Variants in CTNNA1 observed in about 807,000 individuals in gnomAD.
The protein encoded by CTNNA1 is catenin alpha-1.
A neutral mutation model predicts 98.4 loss-of-function variants in CTNNA1; 37 were observed. That is an observed-to-expected ratio of 0.38 (90% CI 0.29 to 0.49). The LOEUF (loss-of-function observed/expected upper bound fraction) is 0.49. Among genes scored for constraint, CTNNA1 ranks in the 20% least tolerant of loss-of-function variants. The probability of loss-of-function intolerance (pLI) is 0.95; values close to 1 mark genes in which losing one functional copy is unlikely to be tolerated. For synonymous variants in CTNNA1, 404 were observed against 413.2 expected (o/e 0.98, Z 0.27); for missense variants, 761 against 1,147.2 (o/e 0.66, Z 4.86).
At chr5:138,839,462 A>G (rs186235751) in intron 7 of CTNNA1, among the ~76,000 whole-genome samples, 143 of 152,086 alleles carry the variant, frequency 9.4e-4, no homozygotes, top group African/African-American at 3.4e-3. Flanking sequence ...TGGCCTCCCA[A>G]AGTGCTGGGA....
intron 1 of CTNNA1, among the ~76,000 whole-genome samples, chr5:138,772,378 T>C (rs1217448440): frequency 6.6e-6 from 1 of 152,202 alleles, no homozygotes; most frequent in Non-Finnish European, 1.5e-5. Context: ...CTAGCTCTAG[T>C]AGGTTTTGTG....
In CTNNA1 at chr5:138,874,836, T is replaced by A. The variant is rs191501116; in HGVS notation, c.1063-11376T>A. ...TGATGGTGATTTCCCTCATAAAATGTGAATTCGGTAGCTTATTTTAAAAGC... is the reference window on the plus strand; with the variant it reads ...TGATGGTGATTTCCCTCATAAAATGAGAATTCGGTAGCTTATTTTAAAAGC... On this transcript the variant is annotated intron_variant, in intron 7 of 17. Transcript: ENST00000302763. The surrounding 1 kb of genome is among the most constrained non-coding windows in gnomAD (Gnocchi z 4.1). The A allele has an allele frequency of 1.0e-4, 143 of 1,426,238 alleles. No individual in the cohort carries two copies. The highest frequency in any genetic ancestry group is 1.3e-4 in the Non-Finnish European group (135 of 1,021,244). The allele number at this position is 1,426,238 out of a possible 1,614,324, so 88.3% of individuals were successfully genotyped here.
rs2150295521 is a variant in CTNNA1, at chr5:138,925,362, A to G, written c.1854A>G (p.Val618=). The change falls in exon 13 of 18, where the codon GTA becomes GTG. Residue 618 remains valine (V), a synonymous_variant. Transcript: ENST00000302763. ...ENEFIDASRL[V]YDGIRDIRKA... is the part of the protein sequence containing the mutation. ...AGTTTATCGATGCTTCCCGCCTGGT[A>G]TATGATGGCATCCGGGACATCAGGA... 2 of 1,614,206 alleles carry G rather than the reference A, an allele frequency of 1.2e-6. No individual in the cohort carries two copies. Among genetic ancestry groups the G allele is most frequent in the Non-Finnish European group, 8.5e-7 (1 of 1,180,040 alleles).
chr5:138,773,922 C>T (rs762456265), intron 1 of CTNNA1, among the ~76,000 whole-genome samples: 23 of 151,996 alleles, frequency 1.5e-4, no homozygotes, highest in Admixed American at 1.2e-3. Context: ...CTCACTCTGT[C>T]GCCCTGGCTG....
At chr5:138,791,809 G>A (rs35648811) in intron 3 of CTNNA1, among the ~76,000 whole-genome samples, 1 of 70,296 alleles carries the variant, frequency 1.4e-5, no homozygotes, top group Non-Finnish European at 2.6e-5. Context: ...TTTTTTTTTA[G>A]AGAGGCAATT....
intron 3 of CTNNA1, among the ~76,000 whole-genome samples, chr5:138,793,251 T>C (rs558573556): frequency 3.6e-4 from 55 of 152,386 alleles, no homozygotes; most frequent in Admixed American, 3.1e-3. Flanking sequence ...TAAAGTTGTC[T>C]GCCTGACTTA....
intron 1 of CTNNA1, among the ~76,000 whole-genome samples, chr5:138,758,761 T>G (rs952002397): frequency 3.3e-5 from 5 of 152,180 alleles, no homozygotes; most frequent in African/African-American, 7.2e-5. Context: ...ACAGTTGTTT[T>G]AATGTCTTTG....
Position 138,874,326 on chromosome 5 carries a change from C to T in CTNNA1, c.1063-11886C>T, listed in dbSNP as rs774889271. On this transcript the variant is annotated intron_variant, in intron 7 of 17. Transcript: ENST00000302763. The surrounding 1 kb of genome is among the most constrained non-coding windows in gnomAD (Gnocchi z 4.1). Reference sequence around the variant, plus strand: ...AGTTGACTGAAGCTGGCAAATTGATCTCTTTCGAGCTCTGTGATGTGATTG... The same window carrying T: ...AGTTGACTGAAGCTGGCAAATTGATTTCTTTCGAGCTCTGTGATGTGATTG... 3 of 1,614,012 alleles carry T rather than the reference C, an allele frequency of 1.9e-6. No individual in the cohort carries two copies. Among genetic ancestry groups the T allele is most frequent in the African/African-American group, 1.3e-5 (1 of 75,038 alleles).
intron 9 of CTNNA1, among the ~76,000 whole-genome samples, chr5:138,896,628 T>C (rs1164807286): frequency 6.6e-6 from 1 of 152,218 alleles, no homozygotes; most frequent in Non-Finnish European, 1.5e-5. Context: ...ATTGGTGGGC[T>C]GGATGGCTCT....
intron 1 of CTNNA1, among the ~76,000 whole-genome samples, chr5:138,766,456 T>TG (rs1024942577): frequency 4.7e-5 from 7 of 150,098 alleles, no homozygotes; most frequent in Non-Finnish European, 5.9e-5. Context: ...GTTTTGTTTT[T>TG]TTTTTTTTTT....
chr5:138,874,319 A>T lies in CTNNA1; in HGVS notation c.1063-11893A>T, dbSNP rs745328403. The T allele has an allele frequency of 6.2e-7, 1 of 1,614,036 alleles. No homozygotes were observed. Among genetic ancestry groups the T allele is most frequent in the Non-Finnish European group, 8.5e-7 (1 of 1,179,902 alleles). On this transcript the variant is annotated intron_variant, in intron 7 of 17. Coordinates refer to ENST00000302763, the MANE Select transcript of CTNNA1 (RefSeq NM_001903.5). This position sits in a 1 kb window ranked among gnomAD's most constrained non-coding sequence, Gnocchi z 4.1. ...CCAAGTAAGTTGACTGAAGCTGGCA[A>T]ATTGATCTCTTTCGAGCTCTGTGAT...
intron 3 of CTNNA1, among the ~76,000 whole-genome samples, chr5:138,791,416 A>AG (rs923548774): frequency 6.6e-6 from 1 of 151,994 alleles, no homozygotes; most frequent in Non-Finnish European, 1.5e-5. Flanking sequence ...CAGGAGATGA[A>AG]GACCCTCCTG....
chr5:138,763,709 G>A (rs528508456), intron 1 of CTNNA1, among the ~76,000 whole-genome samples: 17 of 152,208 alleles, frequency 1.1e-4, no homozygotes, highest in Non-Finnish European at 2.4e-4. Flanking sequence ...TAAGCTAGAG[G>A]CTAAAAGGGA....
chr5:138,827,632 C>T lies in CTNNA1; in HGVS notation c.976C>T (p.Arg326Cys), dbSNP rs2149785850. ...AALMADSSCT[R>C]DDRRERIVAE... ...CTTGATGGCCGACTCGTCCTGCACG[C>T]GTGATGACCGTCGTGAGCGAATTGT... The change falls in exon 7 of 18, where the codon CGT becomes TGT. Residue 326 changes from arginine to cysteine, a missense_variant. Arg to Cys is a radical substitution (Grantham distance 180). Transcript: ENST00000302763. The T allele has an allele frequency of 1.2e-6, 2 of 1,614,210 alleles. No homozygotes were observed. Among genetic ancestry groups the T allele is most frequent in the South Asian group, 1.1e-5 (1 of 91,088 alleles).
At chr5:138,910,733 A>G (rs1760425179) in intron 10 of CTNNA1, among the ~76,000 whole-genome samples, 1 of 152,190 alleles carries the variant, frequency 6.6e-6, no homozygotes, top group Non-Finnish European at 1.5e-5. Context: ...GAAATGACAG[A>G]GCAAACCACG....
chr5:138,920,213 C>T (rs1021299397), intron 11 of CTNNA1, among the ~76,000 whole-genome samples: 4 of 152,130 alleles, frequency 2.6e-5, no homozygotes, highest in Non-Finnish European at 5.9e-5. Context: ...CTCCTGACCT[C>T]AGGTGATCCA....
rs766845544 is a variant in CTNNA1 at position 138,810,086 on chromosome 5, C to T, written c.350C>T (p.Ser117Phe). The stretch of plus-strand genomic sequence containing the variant: ...GGAGAGTTCGCAGATGATCCCTGCT[C>T]TTCTGTGAAGCGAGGCAACATGGTT... ...AAGEFADDPCSSVKRGNMVRA... is the reference protein window; with the variant it reads ...AAGEFADDPCFSVKRGNMVRA... The change falls in exon 4 of 18, where the codon TCT (serine) becomes TTT (phenylalanine). Residue 117 changes from serine to phenylalanine, a missense_variant. Coordinates refer to ENST00000302763, the MANE Select transcript of CTNNA1 (RefSeq NM_001903.5). The T allele has an allele frequency of 3.7e-6, 6 of 1,614,008 alleles. No homozygotes were observed. The highest frequency in any genetic ancestry group is 1.7e-5 in the Admixed American group (1 of 59,974).
intron 3 of CTNNA1, among the ~76,000 whole-genome samples, chr5:138,786,246 T>C (rs191154759): frequency 2.1e-3 from 324 of 152,350 alleles, no homozygotes; most frequent in African/African-American, 6.4e-3. Flanking sequence ...GCATCAGATA[T>C]GAAAAGCTGA....
chr5:138,878,385 T>C (rs1752132518), intron 7 of CTNNA1, among the ~76,000 whole-genome samples: 1 of 152,262 alleles, frequency 6.6e-6, no homozygotes, highest in African/African-American at 2.4e-5. Flanking sequence ...TATCTATTTT[T>C]CTAAACTTTC....
Sources: gnomAD v4.1 joint callset for allele counts (sites outside exome capture counted in the v4.1 genomes callset) on GRCh38, gnomAD v4.1.1 for gene constraint, Gnocchi (gnomAD v3.1) non-coding constraint, MANE v1.5 for transcripts, NCBI Gene and HGNC (gene_info 2026-07-23, HGNC 2026-07-21) for gene names.